CCDC50: variants seen among roughly 807,000 people sequenced by gnomAD.
CCDC50 encodes coiled-coil domain-containing protein 50.
Under a neutral mutation model 70.2 loss-of-function variants are expected in CCDC50, and 54 were observed. The observed-to-expected ratio is 0.77, with a 90% confidence interval of 0.62 to 0.96. CCDC50 has a LOEUF of 0.96. CCDC50 is among the 50% of genes least tolerant of loss of function. The pLI is 0.00. For synonymous variants in CCDC50, 216 were observed against 198.8 expected (o/e 1.09, Z -0.73); for missense variants, 558 against 578.7 (o/e 0.96, Z 0.37).
intron 1 of CCDC50, among the ~76,000 whole-genome samples, chr3:191,337,741 C>T (rs1489434715): frequency 2.0e-5 from 3 of 151,878 alleles, no homozygotes; most frequent in South Asian, 2.1e-4. Context: ...AAGAGTATGC[C>T]GTATGCCAGC....
chr3:191,346,478 A>G (rs185891607), intron 1 of CCDC50, among the ~76,000 whole-genome samples: 1 of 152,332 alleles, frequency 6.6e-6, no homozygotes, highest in Non-Finnish European at 1.5e-5. Context: ...AGGGAGGCAT[A>G]AGATCAGCCC....
At chr3:191,338,418 C>T (rs188060338) in intron 1 of CCDC50, among the ~76,000 whole-genome samples, 1 of 152,308 alleles carries the variant, frequency 6.6e-6, no homozygotes, top group African/African-American at 2.4e-5. Flanking sequence ...TAATGGTCCA[C>T]GTTCTTCCCA....
At chr3:191,366,696 T>C (rs965815289) in intron 4 of CCDC50, among the ~76,000 whole-genome samples, 1 of 152,020 alleles carries the variant, frequency 6.6e-6, no homozygotes, top group Non-Finnish European at 1.5e-5. Flanking sequence ...TTTTAAAGTT[T>C]TAAAATGTGC....
At chr3:191,377,973 T>A (rs1713175355) in intron 6 of CCDC50, among the ~76,000 whole-genome samples, 2 of 152,114 alleles carry the variant, frequency 1.3e-5, no homozygotes, top group East Asian at 1.9e-4. Flanking sequence ...ATTTAAAAAA[T>A]TTTTGGACAT....
At chr3:191,376,775 A>G (rs986935142) in intron 6 of CCDC50, among the ~76,000 whole-genome samples, 2 of 152,136 alleles carry the variant, frequency 1.3e-5, no homozygotes, top group Non-Finnish European at 2.9e-5. Context: ...CTGCGGAAAA[A>G]TAGAGGAAAG....
intron 5 of CCDC50, chr3:191,370,331 A>G (rs755842393): frequency 1.1e-4 from 39 of 354,660 alleles, no homozygotes; most frequent in Non-Finnish European, 1.7e-4. Flanking sequence ...GTCATTTAAC[A>G]TTAGGTATAT....
Position 191,329,735 on chromosome 3 carries a change from G to A in CCDC50, c.49+12G>A, listed in dbSNP as rs1269201319. The A allele has an allele frequency of 2.5e-6, 4 of 1,607,900 alleles. No individual in the cohort carries two copies. The highest frequency in any genetic ancestry group is 3.4e-6 in the Non-Finnish European group (4 of 1,177,844). ...TGGAGTCAAGGAAGGTAAGGGCCCC[G>A]GAGGGAGAGCGCGCGGGACCCTCCC... On this transcript the variant is annotated intron_variant, in intron 1 of 11. Coordinates refer to ENST00000392455, the MANE Select transcript of CCDC50 (RefSeq NM_178335.3).
At chr3:191,377,532 T>A (rs889754766) in intron 6 of CCDC50, among the ~76,000 whole-genome samples, 8 of 152,168 alleles carry the variant, frequency 5.3e-5, no homozygotes, top group Non-Finnish European at 1.0e-4. Flanking sequence ...CATCATTTTC[T>A]GCAGGTTAAC....
In CCDC50 at chr3:191,380,047, G is replaced by A. The variant is rs192830661; in HGVS notation, c.977-112G>A. 2.4e-3 allele frequency: 1,716 copies of A among 701,440 alleles called. 6 individuals carry two copies. Among genetic ancestry groups the A allele is most frequent in the Non-Finnish European group, 2.4e-3 (931 of 395,076 alleles). The allele number at this position is 701,440 out of a possible 1,614,324, so 43.5% of individuals were successfully genotyped here. A position where few individuals can be genotyped will look rare whatever the true frequency, so the allele number is the denominator to read the frequency against. ...CACACTGTATTCTGGAGTAGAGGTA[G>A]TATTGTCATTGTTAGCTACTAAAGA... On this transcript the variant is annotated intron_variant, in intron 6 of 11. Transcript: ENST00000392455.
At chr3:191,379,292 A>G (rs1204497772) in intron 6 of CCDC50, among the ~76,000 whole-genome samples, 1 of 152,140 alleles carries the variant, frequency 6.6e-6, no homozygotes, top group Non-Finnish European at 1.5e-5. Flanking sequence ...ATTCGAATAT[A>G]TAGCCCTGAT....
chr3:191,353,412 G>A (rs924457953), intron 1 of CCDC50, among the ~76,000 whole-genome samples: 2 of 141,746 alleles, frequency 1.4e-5, no homozygotes, highest in Non-Finnish European at 1.6e-5. Flanking sequence ...AGAAATGGGA[G>A]GGTGAAAGGT....
At chr3:191,364,627 T>TC (rs767972293) in intron 4 of CCDC50, among the ~76,000 whole-genome samples, 17 of 152,070 alleles carry the variant, frequency 1.1e-4, no homozygotes, top group Non-Finnish European at 2.1e-4. Flanking sequence ...ACATTGTGTG[T>TC]CAGATGTGGT....
At position 191,376,365 on chromosome 3, in the gene CCDC50, A is replaced by G. The variant is rs570210537; in HGVS notation, c.976+776A>G. On this transcript the variant is annotated intron_variant, in intron 6 of 11. Coordinates refer to ENST00000392455, the MANE Select transcript of CCDC50 (RefSeq NM_178335.3). ...TTGGTACCTATATAAGAATGAGGTA[A>G]ATATTATAGATAAACCTCAAATTTC... Among the ~76,000 whole-genome samples the G allele has an allele frequency of 2.6e-5, 4 of 152,242 alleles. 1 individual carries two copies. The South Asian group carries it at 6.2e-4, about 24-fold the overall frequency.
chr3:191,346,018 T>C (rs1162487559), intron 1 of CCDC50, among the ~76,000 whole-genome samples: 1 of 152,252 alleles, frequency 6.6e-6, no homozygotes, highest in African/African-American at 2.4e-5. Context: ...AAAGAGCTGG[T>C]ATAATTTCTC....
intron 11 of CCDC50, among the ~76,000 whole-genome samples, chr3:191,390,441 G>A (rs1043094756): frequency 6.6e-6 from 1 of 152,230 alleles, no homozygotes; most frequent in African/African-American, 2.4e-5. Flanking sequence ...AGCAGTGTGG[G>A]CTGCTGGTTG....
At chr3:191,349,940 T>A (rs115574401) in intron 1 of CCDC50, among the ~76,000 whole-genome samples, 2,016 of 134,756 alleles carry the variant, frequency 0.015, 238 homozygotes, top group African/African-American at 0.052. Flanking sequence ...TGCCCATTTA[T>A]CTTATTTTAA....
At chr3:191,379,286 G>A (rs1026174096) in intron 6 of CCDC50, among the ~76,000 whole-genome samples, 1 of 152,010 alleles carries the variant, frequency 6.6e-6, no homozygotes, top group African/African-American at 2.4e-5. Flanking sequence ...CATGTGATTC[G>A]AATATATAGC....
At position 191,380,247 on chromosome 3, in the gene CCDC50, C is replaced by T; in HGVS notation, c.1065C>T (p.Ala355=). The change falls in exon 7 of 12, where the codon GCC becomes GCT. Residue 355 remains alanine (A), a synonymous_variant. Transcript: ENST00000392455. ...AGGAATGGTATGATGCTGAAATTGC[C>T]AGAAAACTGCAAGAAGAAGAACTTT... is the stretch of plus-strand genomic sequence containing the variant. ...RDQEWYDAEI[A]RKLQEEELLA... 2 of 1,612,144 alleles carry T rather than the reference C, an allele frequency of 1.2e-6. No individual in the cohort carries two copies. Among genetic ancestry groups the T allele is most frequent in the Non-Finnish European group, 1.7e-6 (2 of 1,178,856 alleles).
intron 10 of CCDC50, among the ~76,000 whole-genome samples, chr3:191,389,083 T>G (rs1013028136): frequency 6.6e-6 from 1 of 152,146 alleles, no homozygotes; most frequent in South Asian, 2.1e-4. Flanking sequence ...TTACCCTTCC[T>G]TTTTTCTTTT....
Sources: gnomAD v4.1 joint callset for allele counts (sites outside exome capture counted in the v4.1 genomes callset) on GRCh38, gnomAD v4.1.1 for gene constraint, MANE v1.5 for transcripts, NCBI Gene and HGNC (gene_info 2026-07-23, HGNC 2026-07-21) for gene names.